LRCH2: variants seen among roughly 807,000 people sequenced by gnomAD.
LRCH2 encodes the protein leucine-rich repeat and calponin homology domain-containing protein 2.
LRCH2 carries 38 observed loss-of-function variants against 68.9 expected under a neutral mutation model. The ratio of observed to expected loss-of-function variants is 0.55; its 90% confidence interval spans 0.43 to 0.72. LRCH2 has a LOEUF of 0.72. Ranked by LOEUF, LRCH2 falls within the 30% of genes least tolerant of loss-of-function variation. The probability of loss-of-function intolerance (pLI) is 0.00; values close to 1 mark genes in which losing one functional copy is unlikely to be tolerated. For missense variants in LRCH2, 528 were observed against 572.9 expected (o/e 0.92, Z 0.80); for synonymous variants, 191 against 208.1 (o/e 0.92, Z 0.71).
At chrX:115,145,558 A>C (rs1481882713) in intron 14 of LRCH2, among the ~76,000 whole-genome samples, 4 of 111,726 alleles carry the variant, frequency 3.6e-5, no homozygotes, top group Non-Finnish European at 7.5e-5. Flanking sequence ...AGGAATTAAT[A>C]ACCAGAATTT....
At chrX:115,206,721 C>T (rs2072970019) in intron 1 of LRCH2, among the ~76,000 whole-genome samples, 1 of 111,345 alleles carries the variant, frequency 9.0e-6, no homozygotes, top group Non-Finnish European at 1.9e-5. Context: ...TCCCACTCCA[C>T]ACTCTATATT....
Position 115,224,409 on chromosome X carries a change from G to A in LRCH2, c.349+9284C>T, listed in dbSNP as rs1392862171. Among the ~76,000 whole-genome samples, 4 of 111,616 alleles carry A rather than the reference G, an allele frequency of 3.6e-5. No individual in the cohort carries two copies. In the East Asian group the frequency reaches 8.4e-4, roughly 24 times the overall value. The stretch of plus-strand genomic sequence containing the variant: ...TAAAAAGAAAAGAAGTAGGCCAGGT[G>A]CAGTGGCTCACCCCTGTAATCCCAG... On this transcript the variant is annotated intron_variant, in intron 1 of 20. Coordinates refer to ENST00000317135, the MANE Select transcript of LRCH2 (RefSeq NM_020871.4).
chrX:115,172,066 A>T (rs1419708263), intron 5 of LRCH2, among the ~76,000 whole-genome samples: 1 of 111,391 alleles, frequency 9.0e-6, no homozygotes, highest in African/African-American at 3.3e-5. Context: ...ATTTATTAAT[A>T]ACATGCTTCT....
intron 5 of LRCH2, 59 bp downstream of exon 5, chrX:115,179,368 A>T (rs973284987): frequency 8.4e-6 from 8 of 948,517 alleles, no homozygotes; most frequent in Non-Finnish European, 5.5e-6. Flanking sequence ...TACCAGTCAT[A>T]AACAGATAAA....
intron 14 of LRCH2, 66 bp downstream of exon 14, chrX:115,149,761 A>C (rs2072417183): frequency 1.3e-6 from 1 of 743,600 alleles, no homozygotes; most frequent in African/African-American, 2.2e-5. Flanking sequence ...TTATTAACTC[A>C]AAACAAAACT....
intron 1 of LRCH2, among the ~76,000 whole-genome samples, chrX:115,212,375 T>C (rs1348034647): frequency 1.8e-5 from 2 of 112,303 alleles, no homozygotes; most frequent in Non-Finnish European, 3.8e-5. Context: ...CCTTTTATTC[T>C]AAGGGAGACA....
At chrX:115,220,517 T>A (rs782349383) in intron 1 of LRCH2, among the ~76,000 whole-genome samples, 5 of 111,751 alleles carry the variant, frequency 4.5e-5, no homozygotes, top group African/African-American at 1.6e-4. Context: ...TAGCAGATCC[T>A]GGGATCTTAA....
chrX:115,160,897 G>T (rs2072513773), intron 11 of LRCH2, among the ~76,000 whole-genome samples: 1 of 111,723 alleles, frequency 9.0e-6, no homozygotes, highest in African/African-American at 3.2e-5. Context: ...AAATCTAAAA[G>T]ATCTAAGCAA....
rs1556551841 is a variant in LRCH2, at chrX:115,179,599, C to T, written c.728-36G>A. Reference sequence around the variant, plus strand: ...ATGAAAAATAATTAATTAAATTTTACATAGTTACTCTCTTATTCATGTGAG... The same window carrying T: ...ATGAAAAATAATTAATTAAATTTTATATAGTTACTCTCTTATTCATGTGAG... On this transcript the variant is annotated intron_variant, in intron 4 of 20. Transcript: ENST00000317135. 3.7e-6 allele frequency: 4 copies of T among 1,088,432 alleles called. No homozygotes were observed. In the Admixed American group the frequency reaches 1.1e-4, roughly 30 times the overall value. The allele number at this position is 1,088,432 out of a possible 1,213,427, so 89.7% of individuals were successfully genotyped here.
At chrX:115,220,399 T>C (rs904568898) in intron 1 of LRCH2, among the ~76,000 whole-genome samples, 7 of 112,028 alleles carry the variant, frequency 6.2e-5, no homozygotes, top group African/African-American at 2.3e-4. Context: ...AGTCATTCAT[T>C]AAGTGATGAG....
chrX:115,146,936 C>T (rs1471420571), intron 14 of LRCH2, among the ~76,000 whole-genome samples: 1 of 107,802 alleles, frequency 9.3e-6, no homozygotes, highest in Non-Finnish European at 1.9e-5. Context: ...CACACACACA[C>T]ACACACACAC....
In LRCH2 at chrX:115,145,906, C is replaced by T. The variant is rs1300898512; in HGVS notation, c.1695+3921G>A. ...GCTCCTCAAAAAACTAAAAATACAG[C>T]TACCATACAATCCAGCAATCCTACT... On this transcript the variant is annotated intron_variant, in intron 14 of 20. Transcript: ENST00000317135. 5.4e-5 allele frequency among the ~76,000 whole-genome samples: 6 copies of T among 111,922 alleles called. No individual in the cohort carries two copies. The Admixed American group carries it at 5.7e-4, about 11-fold the overall frequency.
At chrX:115,146,952 C>A (rs782666951) in intron 14 of LRCH2, among the ~76,000 whole-genome samples, 1 of 105,569 alleles carries the variant, frequency 9.5e-6, no homozygotes, top group African/African-American at 3.5e-5. Flanking sequence ...CACACACACA[C>A]ACACACATTC....
chrX:115,186,177 G>A (rs2072729916), intron 2 of LRCH2, among the ~76,000 whole-genome samples: 1 of 110,767 alleles, frequency 9.0e-6, no homozygotes, highest in African/African-American at 3.3e-5. Flanking sequence ...CCTGGCCAAC[G>A]TGGTGAAACA....
At position 115,163,867 on chromosome X, in the gene LRCH2, G is replaced by A. The variant is rs782083595; in HGVS notation, c.1356-84C>T. The A allele has an allele frequency of 3.4e-4, 215 of 625,283 alleles. 1 individual carries two copies. The East Asian group carries it at 7.3e-3, about 21-fold the overall frequency. The allele number at this position is 625,283 out of a possible 1,213,427, so 51.5% of individuals were successfully genotyped here. On this transcript the variant is annotated intron_variant, in intron 10 of 20. Coordinates refer to ENST00000317135, the MANE Select transcript of LRCH2 (RefSeq NM_020871.4). The stretch of plus-strand genomic sequence containing the variant: ...GCTTCCAGAAATAGAAACCATTTTT[G>A]TTTTTAACACCATATGAAAGTTAAA...
Position 115,165,451 on chromosome X carries a change from A to G in LRCH2, c.1309T>C (p.Cys437Arg). 1 of 1,132,924 alleles carries G rather than the reference A, an allele frequency of 8.8e-7. No individual in the cohort carries two copies. Among genetic ancestry groups the G allele is most frequent in the Non-Finnish European group, 1.2e-6 (1 of 846,375 alleles). The allele number at this position is 1,132,924 out of a possible 1,213,427, so 93.4% of individuals were successfully genotyped here. A position where few individuals can be genotyped will look rare whatever the true frequency, so the allele number is the denominator to read the frequency against. Reference protein sequence around the residue: ...FVSFFKGKEKCSEKSRKNEEL... With the variant: ...FVSFFKGKEKRSEKSRKNEEL... ...TCATTTTTCCGAGATTTTTCAGAAC[A>G]TTTTTCTTTTCCCTTATATAAAAGA... The change falls in exon 10 of 21, where the codon TGT becomes CGT. Residue 437 changes from cysteine (C) to arginine (R), a missense_variant. Transcript: ENST00000317135.
At chrX:115,148,348 G>C (rs2072404705) in intron 14 of LRCH2, among the ~76,000 whole-genome samples, 2 of 111,971 alleles carry the variant, frequency 1.8e-5, no homozygotes, top group Admixed American at 9.5e-5. Context: ...TCTTAGGACA[G>C]TGCCTGGCAC....
chrX:115,179,330 T>C, intron 5 of LRCH2, 97 bp downstream of exon 5: 1 of 722,058 alleles, frequency 1.4e-6, no homozygotes, highest in Non-Finnish European at 1.9e-6. Context: ...AACAACAAAT[T>C]GGCTCTTGAT....
chrX:115,189,897 G>A (rs1197432343), intron 1 of LRCH2: 22 of 1,160,354 alleles, frequency 1.9e-5, no homozygotes, highest in Middle Eastern at 2.3e-4. Flanking sequence ...AGCGCGGGCC[G>A]CCACCGCGGC....
Sources: gnomAD v4.1 joint callset for allele counts (sites outside exome capture counted in the v4.1 genomes callset) on GRCh38, gnomAD v4.1.1 for gene constraint, MANE v1.5 for transcripts, NCBI Gene and HGNC (gene_info 2026-07-23, HGNC 2026-07-21) for gene names.